The following ADGRE1 variants were observed in gnomAD, a reference collection of about 807,000 sequenced individuals.
ADGRE1 encodes adhesion G protein-coupled receptor E1.
Under a neutral mutation model 102.7 loss-of-function variants are expected in ADGRE1, and 82 were observed. The ratio of observed to expected loss-of-function variants is 0.80; its 90% CI spans 0.67 to 0.96. The LOEUF (loss-of-function observed/expected upper bound fraction) is 0.96, where lower values mean the gene tolerates loss of function less well. Among genes scored for constraint, ADGRE1 ranks in the 40% least tolerant of loss-of-function variants. The pLI is 0.00. For missense variants in ADGRE1, 1,032 were observed against 1,085.3 expected, an observed-to-expected ratio of 0.95 and a Z score of 0.69; for synonymous variants, 398 against 399.6, an observed-to-expected ratio of 1.00 and a Z score of 0.05.
chr19:6,923,823 G>A (rs538171476), intron 14 of ADGRE1, among the ~76,000 whole-genome samples: 1 of 151,700 alleles, frequency 6.6e-6, no homozygotes, highest in African/African-American at 2.4e-5. Context: ...ACAGGCATGA[G>A]CCACTGCGCC....
intron 11 of ADGRE1, among the ~76,000 whole-genome samples, chr19:6,915,321 A>C (rs1974333865): frequency 6.6e-6 from 1 of 152,180 alleles, no homozygotes; most frequent in African/African-American, 2.4e-5. Context: ...TTTTATTTGA[A>C]GATGAAAGGA....
At chr19:6,917,240 A>T (rs559362826) in intron 12 of ADGRE1, among the ~76,000 whole-genome samples, 5 of 152,248 alleles carry the variant, frequency 3.3e-5, no homozygotes, top group Non-Finnish European at 7.3e-5. Context: ...GATTAATGCT[A>T]TGATTAATAC....
rs1974818330 is a variant in ADGRE1, at chr19:6,924,755, C to G, written c.1869C>G (p.Thr623=). The part of the protein sequence containing the change: ...SLVCLVLAIA[T]FLLCRSIRNH... ...TGTGCCTCGTCTTGGCCATCGCCAC[C>G]TTTCTGCTGTGTCGCTCCATCCGAA... The change falls in exon 15 of 21, where the codon ACC becomes ACG. Residue 623 remains threonine (T), a synonymous_variant. Coordinates refer to ENST00000312053, the MANE Select transcript of ADGRE1 (RefSeq NM_001974.5). 6.2e-7 allele frequency: 1 copy of G among 1,614,066 alleles called. No individual in the cohort carries two copies. Among genetic ancestry groups the G allele is most frequent in the African/African-American group, 1.3e-5 (1 of 74,922 alleles).
At chr19:6,899,541 A>C (rs888883466) in intron 5 of ADGRE1, among the ~76,000 whole-genome samples, 1 of 151,998 alleles carries the variant, frequency 6.6e-6, no homozygotes, top group Non-Finnish European at 1.5e-5. Flanking sequence ...TTAGCCGGGC[A>C]TGGTGGCAGG....
intron 19 of ADGRE1, 57 bp downstream of exon 19, chr19:6,937,468 C>G: frequency 6.3e-7 from 1 of 1,592,058 alleles, no homozygotes; most frequent in South Asian, 1.1e-5. Context: ...CCCCCCTTCC[C>G]CACCGCATCC....
intron 3 of ADGRE1, chr19:6,896,808 C>A: frequency 2.0e-6 from 1 of 504,966 alleles, no homozygotes; most frequent in East Asian, 3.4e-5. Flanking sequence ...ACTTCCCCAC[C>A]CTTCCTCTCT....
intron 10 of ADGRE1, among the ~76,000 whole-genome samples, chr19:6,911,589 GTACACACA>G (rs777526294): frequency 3.6e-4 from 55 of 151,014 alleles, no homozygotes; most frequent in Admixed American, 1.2e-3. Flanking sequence ...TTGTAAGCAT[GTACACACA>G]TACACACATA....
At chr19:6,909,119 C>T (rs1414467003) in intron 10 of ADGRE1, among the ~76,000 whole-genome samples, 2 of 142,676 alleles carry the variant, frequency 1.4e-5, no homozygotes, top group Non-Finnish European at 3.0e-5. Context: ...TGGCAACAGA[C>T]TGAGACTCCA....
intron 14 of ADGRE1, among the ~76,000 whole-genome samples, chr19:6,924,085 A>G (rs1186806825): frequency 6.6e-6 from 1 of 151,518 alleles, no homozygotes; most frequent in Non-Finnish European, 1.5e-5. Context: ...CACCCCAGGT[A>G]TTTCAAGCAG....
chr19:6,937,614 T>A lies in ADGRE1; in HGVS notation c.2621T>A (p.Ile874Asn). The A allele has an allele frequency of 1.9e-6, 3 of 1,613,968 alleles. No homozygotes were observed. The highest frequency in any genetic ancestry group is 2.5e-6 in the Non-Finnish European group (3 of 1,179,984). Residue 874 changes from isoleucine (I) to asparagine (N), a missense_variant, in exon 20 of 21, where the codon ATC becomes AAC. Transcript: ENST00000312053. Reference sequence around the variant, plus strand: ...AGCTCCCAGTCCCAGACCTCAAGGATCTTGCTGTCCTCCATGCCATCCGCT... The same window carrying A: ...AGCTCCCAGTCCCAGACCTCAAGGAACTTGCTGTCCTCCATGCCATCCGCT... Reference protein sequence around the residue: ...KPSSQSQTSRILLSSMPSASK... With the variant: ...KPSSQSQTSRNLLSSMPSASK...
intron 17 of ADGRE1, among the ~76,000 whole-genome samples, chr19:6,931,804 G>GA (rs554803046): frequency 0.018 from 2,257 of 127,090 alleles, 36 homozygotes; most frequent in African/African-American, 0.05. Context: ...TCAAAAAAAA[G>GA]AAAAAAAAAA....
chr19:6,896,314 C>T, intron 2 of ADGRE1, 84 bp from the exon 3 acceptor site: 2 of 1,407,758 alleles, frequency 1.4e-6, no homozygotes, highest in South Asian at 2.5e-5. Flanking sequence ...ATAACAGTCA[C>T]CTCCACCCTT....
At chr19:6,902,056 A>G in intron 6 of ADGRE1, 35 bp downstream of exon 6, 1 of 1,612,182 alleles carries the variant, frequency 6.2e-7, no homozygotes, top group Non-Finnish European at 8.5e-7. Context: ...GTCAGGTCCA[A>G]GTCTGTTTGA....
chr19:6,938,649 G>T (rs140612934), intron 20 of ADGRE1, among the ~76,000 whole-genome samples: 3 of 151,558 alleles, frequency 2.0e-5, no homozygotes, highest in Admixed American at 6.6e-5. Context: ...ACCTTGGAAG[G>T]TTATACTAGA....
In ADGRE1 at chr19:6,921,859, T is replaced by C; in HGVS notation, c.1767T>C (p.Val589=). The change falls in exon 14 of 21, where the codon GTT becomes GTC. Residue 589 remains valine (V), a synonymous_variant. Transcript: ENST00000312053. ...GTAATCAGATGGCAAATCTTGCCGTTATCATGGCGTCTGGGGAGCTCACGG... is the reference window on the plus strand; with the variant it reads ...GTAATCAGATGGCAAATCTTGCCGTCATCATGGCGTCTGGGGAGCTCACGG... ...CSCNQMANLA[V]IMASGELTMD... The C allele has an allele frequency of 6.2e-7, 1 of 1,613,918 alleles. No homozygotes were observed. The highest frequency in any genetic ancestry group is 1.1e-5 in the South Asian group (1 of 91,066).
chr19:6,938,529 C>T (rs1353437676), intron 20 of ADGRE1, among the ~76,000 whole-genome samples: 3 of 151,830 alleles, frequency 2.0e-5, no homozygotes, highest in African/African-American at 7.3e-5. Flanking sequence ...ATTCCACGCC[C>T]CTAAAATGCT....
intron 11 of ADGRE1, 50 bp downstream of exon 11, chr19:6,913,880 A>G (rs766678592): frequency 7.5e-6 from 11 of 1,469,268 alleles, no homozygotes; most frequent in Middle Eastern, 1.8e-4. Flanking sequence ...TGATTTTGAA[A>G]GTTGACTTTG....
In ADGRE1 at chr19:6,890,471, T is replaced by A. The variant is rs1973324550; in HGVS notation, c.32-10T>A. On this transcript the variant is annotated splice_polypyrimidine_tract_variant and intron_variant, in intron 1 of 20. Transcript: ENST00000312053. ...GTGGTTCATGGTGTTTTTCTTTTCT[T>A]TCTTCACAGGATGTTGTGTTATGCA... The A allele has an allele frequency of 1.9e-6, 3 of 1,578,212 alleles. No homozygotes were observed. In the African/African-American group the frequency reaches 4.1e-5, roughly 22 times the overall value.
At chr19:6,900,645 A>G (rs2144904126) in intron 5 of ADGRE1, among the ~76,000 whole-genome samples, 1 of 152,258 alleles carries the variant, frequency 6.6e-6, no homozygotes, top group African/African-American at 2.4e-5. Context: ...TGTCCTCACC[A>G]AGAGACAAGA....
Sources: allele counts gnomAD v4.1 joint callset (sites outside exome capture counted in the v4.1 genomes callset), GRCh38; gene constraint gnomAD v4.1.1; transcripts MANE v1.5; gene names NCBI Gene and HGNC (gene_info 2026-07-23, HGNC 2026-07-21).